Variants in MEF2A observed in about 807,000 individuals in gnomAD.
The protein encoded by MEF2A is myocyte enhancer factor 2A, also known as myocyte-specific enhancer factor 2A.
A neutral mutation model predicts 55.8 loss-of-function variants in MEF2A; 28 were observed. That is an observed-to-expected ratio of 0.50 (90% CI 0.37 to 0.69). The LOEUF is 0.69. Ranked by LOEUF, MEF2A falls within the 30% of genes least tolerant of loss-of-function variation. MEF2A has a pLI of 0.00. For missense variants in MEF2A, 528 were observed against 626.2 expected (o/e 0.84, Z 1.67); for synonymous variants, 239 against 227.1 (o/e 1.05, Z -0.47).
intron 4 of MEF2A, among the ~76,000 whole-genome samples, chr15:99,659,318 C>T (rs2048257794): frequency 6.6e-6 from 1 of 152,004 alleles, no homozygotes; most frequent in Non-Finnish European, 1.5e-5. Flanking sequence ...AGGATTTTTA[C>T]CATCAAACCT....
At chr15:99,687,677 T>C (rs2153704125) in intron 7 of MEF2A, among the ~76,000 whole-genome samples, 1 of 152,366 alleles carries the variant, frequency 6.6e-6, no homozygotes, top group South Asian at 2.1e-4. Context: ...ATTAAGCTGA[T>C]AGATTTGTTA....
At chr15:99,624,667 T>C (rs1441814232) in intron 2 of MEF2A, among the ~76,000 whole-genome samples, 1 of 152,218 alleles carries the variant, frequency 6.6e-6, no homozygotes, top group Non-Finnish European at 1.5e-5. Context: ...CCTTGAGATT[T>C]CATACGAGTT....
chr15:99,582,665 T>G (rs1020493606), intron 1 of MEF2A, among the ~76,000 whole-genome samples: 1 of 152,138 alleles, frequency 6.6e-6, no homozygotes, highest in Non-Finnish European at 1.5e-5. Context: ...GCAAAGTCGC[T>G]ATTCATCTAG....
Position 99,671,459 on chromosome 15 carries a change from G to A in MEF2A, c.390+5G>A. 6.2e-7 allele frequency: 1 copy of A among 1,613,870 alleles called. No homozygotes were observed. The highest frequency in any genetic ancestry group is 2.2e-5 in the East Asian group (1 of 44,880). On this transcript the variant is annotated splice_donor_5th_base_variant and intron_variant, in intron 5 of 11. Transcript: ENST00000557942. ...TTTATTTTCAAACGAGGCCCTGTAA[G>A]TACTTTTACTTTACCTCTACTTTTT...
intron 1 of MEF2A, among the ~76,000 whole-genome samples, chr15:99,570,494 A>G (rs1961727662): frequency 6.6e-6 from 1 of 152,236 alleles, no homozygotes; most frequent in South Asian, 2.1e-4. Flanking sequence ...GGTTTTCAGT[A>G]GTGGTCAGTA....
At chr15:99,587,908 A>T in intron 1 of MEF2A, among the ~76,000 whole-genome samples, 1 of 151,422 alleles carries the variant, frequency 6.6e-6, no homozygotes, top group Non-Finnish European at 1.5e-5. Context: ...TCCAATCTGG[A>T]TGCCTTTTCT....
At chr15:99,704,967 C>A (rs2057851578) in intron 9 of MEF2A, among the ~76,000 whole-genome samples, 1 of 152,182 alleles carries the variant, frequency 6.6e-6, no homozygotes, top group South Asian at 2.1e-4. Flanking sequence ...AAATACATAC[C>A]TAAAAACTTA....
rs999724753 is a variant in MEF2A, at chr15:99,714,516, G to T, written c.*1745G>T. Reference sequence around the variant, plus strand: ...GTATGCGGGGAGAAACACTCTTAGGGTGCTGGTCCTTGGCATGACTCTTGC... The same window carrying T: ...GTATGCGGGGAGAAACACTCTTAGGTTGCTGGTCCTTGGCATGACTCTTGC... On this transcript the variant is annotated 3_prime_UTR_variant, in exon 12 of 12. Transcript: ENST00000557942. 3 of 152,096 alleles carry T rather than the reference G, an allele frequency of 2.0e-5. No individual in the cohort carries two copies. The highest frequency in any genetic ancestry group is 4.4e-5 in the Non-Finnish European group (3 of 68,032). 9.4% of individuals were successfully genotyped at this position (152,096 alleles called of 1,614,324 possible). A position where few individuals can be genotyped will look rare whatever the true frequency, so the allele number is the denominator to read the frequency against.
intron 2 of MEF2A, among the ~76,000 whole-genome samples, chr15:99,614,340 C>T (rs900378845): frequency 3.3e-5 from 5 of 152,160 alleles, no homozygotes; most frequent in African/African-American, 7.2e-5. Context: ...TCCCTCACCT[C>T]ACCGTCCCAA....
rs188727176 is a variant in MEF2A, at chr15:99,591,740, C to G, written c.-224-6690C>G. Among the ~76,000 whole-genome samples the G allele has an allele frequency of 1.6e-3, 236 of 151,880 alleles. 2 individuals carry two copies. The highest frequency in any genetic ancestry group is 5.4e-4 in the Non-Finnish European group (37 of 67,934). On this transcript the variant is annotated intron_variant, in intron 1 of 11. Transcript: ENST00000557942. ...GATGTTTTTACATCTTCAATTTTGT[C>G]ATCTTCTTTTCTGCAGTTTGATCTA...
chr15:99,706,217 T>C (rs531733847), intron 9 of MEF2A, among the ~76,000 whole-genome samples: 8 of 152,362 alleles, frequency 5.3e-5, no homozygotes, highest in African/African-American at 1.4e-4. Context: ...GTCAACTGCA[T>C]GATTGGAGAG....
chr15:99,702,581 C>T (rs2057540562), intron 8 of MEF2A, among the ~76,000 whole-genome samples: 1 of 152,002 alleles, frequency 6.6e-6, no homozygotes, highest in Non-Finnish European at 1.5e-5. Context: ...GCACCTGCCA[C>T]CGCACCTGGC....
At chr15:99,699,301 A>C (rs1053951711) in intron 8 of MEF2A, among the ~76,000 whole-genome samples, 27 of 152,226 alleles carry the variant, frequency 1.8e-4, no homozygotes, top group Admixed American at 1.2e-3. Context: ...ATCCTAAGTG[A>C]ATTTTGCTAA....
At chr15:99,623,130 G>A (rs1410811942) in intron 2 of MEF2A, among the ~76,000 whole-genome samples, 2 of 152,130 alleles carry the variant, frequency 1.3e-5, no homozygotes, top group African/African-American at 2.4e-5. Flanking sequence ...ACTACTTTAC[G>A]TACTTCATAC....
intron 8 of MEF2A, among the ~76,000 whole-genome samples, chr15:99,691,342 C>T (rs1425138075): frequency 6.6e-6 from 1 of 152,138 alleles, no homozygotes; most frequent in East Asian, 1.9e-4. Flanking sequence ...ACTTTGTATA[C>T]TTTCATTAAT....
chr15:99,628,983 C>G (rs1278256680), intron 2 of MEF2A, among the ~76,000 whole-genome samples: 1 of 105,194 alleles, frequency 9.5e-6, no homozygotes, highest in South Asian at 2.7e-4. Flanking sequence ...TTTTTTTTGT[C>G]AGATACAAAA....
chr15:99,679,618 G>C (rs963688763), intron 7 of MEF2A, among the ~76,000 whole-genome samples: 1 of 152,104 alleles, frequency 6.6e-6, no homozygotes, highest in African/African-American at 2.4e-5. Context: ...TGGGACTCTC[G>C]GAATATTTTA....
intron 8 of MEF2A, among the ~76,000 whole-genome samples, chr15:99,692,703 G>A (rs773345501): frequency 1.3e-5 from 2 of 152,158 alleles, no homozygotes. Context: ...AAAAGGTCTC[G>A]CTGTGGTACA....
At chr15:99,613,141 C>T (rs1234953687) in intron 2 of MEF2A, among the ~76,000 whole-genome samples, 1 of 152,134 alleles carries the variant, frequency 6.6e-6, no homozygotes, top group Non-Finnish European at 1.5e-5. Flanking sequence ...AAAACAGAGG[C>T]TGTGAACTAA....
Sources: allele counts gnomAD v4.1 joint callset (sites outside exome capture counted in the v4.1 genomes callset), GRCh38; gene constraint gnomAD v4.1.1; transcripts MANE v1.5; gene names NCBI Gene and HGNC (gene_info 2026-07-23, HGNC 2026-07-21).